PRKCA: variants seen among roughly 807,000 people sequenced by gnomAD.
PRKCA encodes protein kinase C alpha, also known as protein kinase C alpha type.
A neutral mutation model predicts 87.0 loss-of-function variants in PRKCA; 27 were observed. The observed-to-expected ratio is 0.31, with a 90% CI of 0.23 to 0.43. The LOEUF (loss-of-function observed/expected upper bound fraction) is 0.43, where lower values mean the gene tolerates loss of function less well. Among genes scored for constraint, PRKCA ranks in the 20% least tolerant of loss-of-function variants. PRKCA has a pLI of 1.00. For synonymous variants in PRKCA, 329 were observed against 311.1 expected (o/e 1.06, Z -0.61); for missense variants, 518 against 852.3 (o/e 0.61, Z 4.88).
rs557871881 is a variant in PRKCA, at chr17:66,397,261, G to A, written c.205+91134G>A. On this transcript the variant is annotated intron_variant, in intron 2 of 16. Coordinates refer to ENST00000413366, the MANE Select transcript of PRKCA (RefSeq NM_002737.3). ...ATTACAGGCATGAGCCAGCATGCCCGGCCCCAGTGTAGACTTTTTTTTTTT... is the reference window on the plus strand; with the variant it reads ...ATTACAGGCATGAGCCAGCATGCCCAGCCCCAGTGTAGACTTTTTTTTTTT... Among the ~76,000 whole-genome samples the A allele has an allele frequency of 4.6e-4, 64 of 137,652 alleles. 1 individual carries two copies. The highest frequency in any genetic ancestry group is 1.7e-4 in the Non-Finnish European group (11 of 65,036). 90.3% of individuals were successfully genotyped at this position (137,652 alleles called of 152,430 possible).
intron 3 of PRKCA, among the ~76,000 whole-genome samples, chr17:66,498,754 G>T (rs1445853764): frequency 6.6e-6 from 1 of 152,262 alleles, no homozygotes; most frequent in Non-Finnish European, 1.5e-5. Flanking sequence ...AAGGGTGTGT[G>T]TGTGCGTGCG....
At chr17:66,780,764 C>T (rs1194143664) in intron 14 of PRKCA, among the ~76,000 whole-genome samples, 4 of 151,966 alleles carry the variant, frequency 2.6e-5, no homozygotes, top group African/African-American at 9.7e-5. Context: ...AATGGGGATG[C>T]TTTTTTCGTA....
intron 3 of PRKCA, among the ~76,000 whole-genome samples, chr17:66,609,786 T>G (rs555446644): frequency 1.1e-4 from 17 of 151,114 alleles, no homozygotes; most frequent in African/African-American, 4.0e-4. Context: ...GGCAAGGCTT[T>G]ATTTTATTTT....
chr17:66,571,608 TAAATTTAATTGAACAACC>T (rs11274350), intron 3 of PRKCA, among the ~76,000 whole-genome samples: 36,222 of 152,000 alleles, frequency 0.24, 4,952 homozygotes, highest in African/African-American at 0.39. Context: ...TTAATGAACT[TAAATTTAATTGAACAACC>T]TTCCTCAATC....
chr17:66,358,714 T>C (rs1171842497), intron 2 of PRKCA, among the ~76,000 whole-genome samples: 1 of 152,086 alleles, frequency 6.6e-6, no homozygotes, highest in East Asian at 1.9e-4. Flanking sequence ...ACCCCCAGAG[T>C]GATGTTGGCA....
Position 66,627,311 on chromosome 17 carries a change from G to C in PRKCA, c.289-14044G>C, listed in dbSNP as rs917854736. 3.9e-5 allele frequency among the ~76,000 whole-genome samples: 6 copies of C among 152,248 alleles called. No homozygotes were observed. The East Asian group carries it at 7.7e-4, about 20-fold the overall frequency. ...ATGCTGTCCTGGGGCGTGGGGGTTG[G>C]GGGGAATGTATCAATGAGTACTATT... On this transcript the variant is annotated intron_variant, in intron 3 of 16. Coordinates refer to ENST00000413366, the MANE Select transcript of PRKCA (RefSeq NM_002737.3).
At chr17:66,575,792 G>T (rs190524181) in intron 3 of PRKCA, among the ~76,000 whole-genome samples, 180 of 147,162 alleles carry the variant, frequency 1.2e-3, no homozygotes, top group Non-Finnish European at 2.1e-3. Context: ...CATGTTAGAT[G>T]ATATTCTTAG....
At chr17:66,708,090 A>G (rs1973232690) in intron 8 of PRKCA, among the ~76,000 whole-genome samples, 1 of 152,108 alleles carries the variant, frequency 6.6e-6, no homozygotes, top group African/African-American at 2.4e-5. Context: ...CTCTTTGCCC[A>G]TTAGGACTGT....
At chr17:66,502,683 C>T (rs570962440) in intron 3 of PRKCA, among the ~76,000 whole-genome samples, 2 of 152,150 alleles carry the variant, frequency 1.3e-5, no homozygotes, top group East Asian at 3.9e-4. Flanking sequence ...TGAGACGAGT[C>T]TCGCTCTGTT....
intron 8 of PRKCA, among the ~76,000 whole-genome samples, chr17:66,724,843 T>C (rs1973704050): frequency 6.6e-6 from 1 of 152,224 alleles, no homozygotes; most frequent in African/African-American, 2.4e-5. Context: ...TCATGACAAC[T>C]AGAGTTATGT....
chr17:66,691,135 T>C (rs531826419), intron 8 of PRKCA, among the ~76,000 whole-genome samples: 14 of 152,170 alleles, frequency 9.2e-5, no homozygotes, highest in Admixed American at 1.3e-4. Flanking sequence ...AGTGAGACCC[T>C]GACTCAAGAA....
chr17:66,686,982 G>T, intron 5 of PRKCA, 129 bp from the exon 6 acceptor site: 1 of 808,362 alleles, frequency 1.2e-6, no homozygotes, highest in South Asian at 1.9e-5. Flanking sequence ...AGAGGCTTTT[G>T]GCTTCCACCA....
chr17:66,496,857 G>A (rs772325947), intron 3 of PRKCA, among the ~76,000 whole-genome samples: 29 of 152,076 alleles, frequency 1.9e-4, no homozygotes, highest in Non-Finnish European at 4.0e-4. Flanking sequence ...TTGGCAGGCT[G>A]TTCTTGAACT....
chr17:66,641,495 G>C (rs1407862456), intron 4 of PRKCA, 29 bp downstream of exon 4: 1 of 1,541,088 alleles, frequency 6.5e-7, no homozygotes, highest in Non-Finnish European at 8.9e-7. Flanking sequence ...CCAGTTCATA[G>C]CGAGGCTCTG....
chr17:66,681,216 G>C (rs1972483278), intron 5 of PRKCA, among the ~76,000 whole-genome samples: 1 of 152,080 alleles, frequency 6.6e-6, no homozygotes, highest in Non-Finnish European at 1.5e-5. Flanking sequence ...GTGACAGAGG[G>C]AGACTCCATC....
chr17:66,786,741 C>T lies in PRKCA; in HGVS notation c.1606-126C>T, dbSNP rs117862741. 2.0e-3 allele frequency: 1,319 copies of T among 645,442 alleles called. 24 individuals are homozygous for T. The highest frequency in any genetic ancestry group is 0.02 in the East Asian group (725 of 36,696). 40.0% of individuals were successfully genotyped at this position (645,442 alleles called of 1,614,324 possible). On this transcript the variant is annotated intron_variant, in intron 14 of 16. Coordinates refer to ENST00000413366, the MANE Select transcript of PRKCA (RefSeq NM_002737.3). ...TAAACCGTCAAGTTAGCTGAGCAAA[C>T]TGTGCAGCCTGTGGTGGGGCTGAGA...
In PRKCA at chr17:66,543,171, T is replaced by G. The variant is rs568012386; in HGVS notation, c.288+46888T>G. 3.3e-5 allele frequency among the ~76,000 whole-genome samples: 5 copies of G among 152,348 alleles called. No homozygotes were observed. The South Asian group carries it at 1.0e-3, about 32-fold the overall frequency. Reference sequence around the variant, plus strand: ...TAAATAATCAACTTATTTTCTTCCGTATGACGACAGTTTTCTTCACAGTGA... The same window carrying G: ...TAAATAATCAACTTATTTTCTTCCGGATGACGACAGTTTTCTTCACAGTGA... On this transcript the variant is annotated intron_variant, in intron 3 of 16. Coordinates refer to ENST00000413366, the MANE Select transcript of PRKCA (RefSeq NM_002737.3).
chr17:66,439,641 A>G (rs1220341214), intron 2 of PRKCA, among the ~76,000 whole-genome samples: 3 of 152,096 alleles, frequency 2.0e-5, no homozygotes, highest in Non-Finnish European at 2.9e-5. Context: ...ACAGTTTGAG[A>G]TCCTTCACGT....
chr17:66,326,852 G>A (rs1388978521), intron 2 of PRKCA, among the ~76,000 whole-genome samples: 4 of 152,038 alleles, frequency 2.6e-5, no homozygotes, highest in African/African-American at 9.7e-5. Flanking sequence ...TTGATCCAGG[G>A]GAGATTTGCT....
Sources: allele counts gnomAD v4.1 joint callset (sites outside exome capture counted in the v4.1 genomes callset), GRCh38; gene constraint gnomAD v4.1.1; transcripts MANE v1.5; gene names NCBI Gene and HGNC (gene_info 2026-07-23, HGNC 2026-07-21).